JAK2: variants seen among roughly 807,000 people sequenced by gnomAD.
JAK2 encodes tyrosine-protein kinase JAK2.
A neutral mutation model predicts 139.3 loss-of-function variants in JAK2; 86 were observed. The ratio of observed to expected loss-of-function variants is 0.62; its 90% CI spans 0.52 to 0.74. JAK2 has a LOEUF of 0.74. Ranked by LOEUF, JAK2 falls within the 30% of genes least tolerant of loss-of-function variation. The pLI, the probability that JAK2 is intolerant of heterozygous loss-of-function variation, is 0.00. For synonymous variants in JAK2, 490 were observed against 437.7 expected (o/e 1.12, Z -1.49); for missense variants, 1,421 against 1,360.3 (o/e 1.04, Z -0.70).
intron 8 of JAK2, among the ~76,000 whole-genome samples, chr9:5,062,092 A>T (rs993820556): frequency 3.9e-5 from 6 of 152,146 alleles, no homozygotes; most frequent in African/African-American, 1.4e-4. Flanking sequence ...TGACCCTTGG[A>T]CATCACAGGT....
At chr9:5,067,935 C>T (rs974043699) in intron 10 of JAK2, among the ~76,000 whole-genome samples, 2 of 152,004 alleles carry the variant, frequency 1.3e-5, no homozygotes, top group African/African-American at 2.4e-5. Context: ...GGGTGGATCA[C>T]GAGGTCAAGA....
intron 4 of JAK2, among the ~76,000 whole-genome samples, chr9:5,035,240 A>C (rs891703770): frequency 2.6e-5 from 4 of 152,192 alleles, no homozygotes; most frequent in African/African-American, 7.2e-5. Context: ...GGCAATAATT[A>C]ATAGTTTACC....
At chr9:5,112,152 G>C (rs1690991866) in intron 22 of JAK2, 1 of 299,840 alleles carries the variant, frequency 3.3e-6, no homozygotes, top group African/African-American at 2.3e-5. Flanking sequence ...CTAGCAACGT[G>C]CACACGCTGC....
At chr9:5,017,204 A>T (rs1563928514) in intron 2 of JAK2, among the ~76,000 whole-genome samples, 1 of 152,218 alleles carries the variant, frequency 6.6e-6, no homozygotes, top group Non-Finnish European at 1.5e-5. Context: ...AGTGAGGGCA[A>T]CATATTTTTT....
At chr9:5,038,703 T>C (rs1816261339) in intron 4 of JAK2, among the ~76,000 whole-genome samples, 1 of 152,094 alleles carries the variant, frequency 6.6e-6, no homozygotes, top group Non-Finnish European at 1.5e-5. Flanking sequence ...ATATTTCTTT[T>C]GCACATCAGG....
chr9:5,126,736 C>T lies in JAK2; in HGVS notation c.3344C>T (p.Ser1115Phe). The T allele has an allele frequency of 6.2e-7, 1 of 1,611,104 alleles. No homozygotes were observed. The highest frequency in any genetic ancestry group is 2.2e-5 in the East Asian group (1 of 44,816). Residue 1115 changes from serine (S) to phenylalanine (F), a missense_variant, in exon 25 of 25, where the codon TCC becomes TTC. Coordinates refer to ENST00000381652, the MANE Select transcript of JAK2 (RefSeq NM_004972.4). ...AACAATAATGTAAATCAACGCCCCT[C>T]CTTTAGGGATCTAGCTCTTCGAGTG... The part of the protein sequence containing the change: ...CWNNNVNQRP[S>F]FRDLALRVDQ...
intron 20 of JAK2, 38 bp from the exon 21 acceptor site, chr9:5,090,408 G>C (rs199580043): frequency 7.0e-7 from 1 of 1,437,982 alleles, no homozygotes; most frequent in African/African-American, 1.4e-5. Context: ...AGTATAATAT[G>C]GCAGAGTAAA....
intron 22 of JAK2, chr9:5,100,769 C>T (rs181028606): frequency 6.6e-6 from 1 of 152,418 alleles, no homozygotes; most frequent in Admixed American, 6.5e-5. Context: ...TCCTACAAAT[C>T]TCAGTACTTT....
chr9:5,004,069 T>C (rs1821106176), intron 2 of JAK2, among the ~76,000 whole-genome samples: 1 of 152,186 alleles, frequency 6.6e-6, no homozygotes, highest in Non-Finnish European at 1.5e-5. Context: ...TTGTTATATG[T>C]ATACATTGCA....
At chr9:5,098,259 G>A (rs1001581054) in intron 22 of JAK2, 4 of 152,130 alleles carry the variant, frequency 2.6e-5, no homozygotes, top group Admixed American at 2.6e-4. Context: ...AAAAACCTCT[G>A]TGACTTTCTC....
chr9:5,040,094 C>T (rs1241848448), intron 4 of JAK2, among the ~76,000 whole-genome samples: 1 of 152,132 alleles, frequency 6.6e-6, no homozygotes, highest in Admixed American at 6.5e-5. Context: ...CAATGTGATA[C>T]TAAAGGATGA....
intron 8 of JAK2, among the ~76,000 whole-genome samples, chr9:5,063,112 G>T (rs930819795): frequency 6.6e-6 from 1 of 151,762 alleles, no homozygotes; most frequent in African/African-American, 2.4e-5. Context: ...TATAATTTTT[G>T]GTTGAGGACT....
intron 2 of JAK2, among the ~76,000 whole-genome samples, chr9:5,019,762 C>T (rs1223599641): frequency 1.3e-5 from 2 of 152,168 alleles, no homozygotes; most frequent in African/African-American, 2.4e-5. Flanking sequence ...AATCTGGGTG[C>T]ATGCAGTAGT....
At chr9:5,116,445 G>C (rs1455374343) in intron 22 of JAK2, among the ~76,000 whole-genome samples, 2 of 152,154 alleles carry the variant, frequency 1.3e-5, no homozygotes, top group Non-Finnish European at 2.9e-5. Flanking sequence ...TAGGGTATGA[G>C]TGAAACTAAA....
chr9:5,046,869 A>G (rs560679610), intron 5 of JAK2, among the ~76,000 whole-genome samples: 73 of 152,296 alleles, frequency 4.8e-4, no homozygotes, highest in Non-Finnish European at 7.6e-4. Flanking sequence ...CAGAGCTAGT[A>G]TATTTTGGGG....
intron 4 of JAK2, among the ~76,000 whole-genome samples, chr9:5,030,240 G>A (rs1373007756): frequency 6.6e-6 from 1 of 152,086 alleles, no homozygotes; most frequent in Non-Finnish European, 1.5e-5. Context: ...AGCGTTTTGT[G>A]CAATAGAATG....
chr9:5,024,336 C>T (rs1436899502), intron 3 of JAK2, among the ~76,000 whole-genome samples: 5 of 151,778 alleles, frequency 3.3e-5, no homozygotes, highest in Non-Finnish European at 7.4e-5. Context: ...TTTTTTTTGA[C>T]AGATTTTATT....
chr9:5,077,560 G>A lies in JAK2; in HGVS notation c.1972G>A (p.Ala658Thr). The A allele has an allele frequency of 6.7e-7, 1 of 1,486,830 alleles. No homozygotes were observed. The highest frequency in any genetic ancestry group is 8.9e-7 in the Non-Finnish European group (1 of 1,120,516). 92.1% of individuals were successfully genotyped at this position (1,486,830 alleles called of 1,614,324 possible). A position where few individuals can be genotyped will look rare whatever the true frequency, so the allele number is the denominator to read the frequency against. Residue 658 changes from alanine to threonine, a missense_variant, in exon 15 of 25, where the codon GCA (alanine) becomes ACA (threonine). Coordinates refer to ENST00000381652, the MANE Select transcript of JAK2 (RefSeq NM_004972.4). The part of the protein sequence containing the change: ...LWKLEVAKQL[A>T]WAMHFLEENT... ...GAAACTTGAAGTTGCTAAACAGTTG[G>A]CATGGGCCATGCATTTTCTAGTAAG... is the stretch of plus-strand genomic sequence containing the variant.
chr9:5,049,029 G>T (rs970764431), intron 5 of JAK2, among the ~76,000 whole-genome samples: 1 of 152,026 alleles, frequency 6.6e-6, no homozygotes, highest in African/African-American at 2.4e-5. Context: ...GGTCAAAATC[G>T]TAGAACCTCT....
Sources: gnomAD v4.1 joint callset for allele counts (sites outside exome capture counted in the v4.1 genomes callset) on GRCh38, gnomAD v4.1.1 for gene constraint, MANE v1.5 for transcripts, NCBI Gene and HGNC (gene_info 2026-07-23, HGNC 2026-07-21) for gene names.